Variants in PON1 observed in about 807,000 individuals in gnomAD.
PON1 encodes the protein paraoxonase 1, also known as serum paraoxonase/arylesterase 1.
Under a neutral mutation model 39.2 loss-of-function variants are expected in PON1, and 37 were observed. That is an observed-to-expected ratio of 0.94 (90% CI 0.73 to 1.24). PON1 has a LOEUF of 1.24. Ranked by LOEUF, PON1 falls within the 50% of genes most tolerant of loss-of-function variation. The probability of loss-of-function intolerance (pLI) is 0.00; values close to 1 mark genes in which losing one functional copy is unlikely to be tolerated. For synonymous variants in PON1, 148 were observed against 152.2 expected, an observed-to-expected ratio of 0.97 and a Z score of 0.21; for missense variants, 397 against 413.5, an observed-to-expected ratio of 0.96 and a Z score of 0.35.
intron 1 of PON1, among the ~76,000 whole-genome samples, chr7:95,322,113 A>G (rs568602245): frequency 6.6e-6 from 1 of 152,210 alleles, no homozygotes; most frequent in South Asian, 2.1e-4. Context: ...TTGCATTCAT[A>G]GGGGAGACTG....
chr7:95,307,256 C>T (rs367729412), intron 6 of PON1, among the ~76,000 whole-genome samples: 15 of 151,922 alleles, frequency 9.9e-5, no homozygotes, highest in Non-Finnish European at 1.5e-4. Context: ...GATGGGGTTT[C>T]GCCATGATGG....
chr7:95,306,307 T>G lies in PON1; in HGVS notation c.758A>C (p.Asn253Thr). 1 of 1,612,044 alleles carries G rather than the reference T, an allele frequency of 6.2e-7. No homozygotes were observed. Among genetic ancestry groups the G allele is most frequent in the Non-Finnish European group, 8.5e-7 (1 of 1,178,272 alleles). The change falls in exon 7 of 9, where the codon AAT becomes ACT. Residue 253 changes from asparagine (N) to threonine (T), a missense_variant. Physicochemically the swap from Asn to Thr is moderately conservative, Grantham distance 65. Transcript: ENST00000222381. ...HKIHVYEKHA[N>T]WTLTPLKSLD... Reference sequence around the variant, plus strand: ...TACCTTCAATGGAGTTAAAGTCCAATTAGCATGCTTTTCATACACATGAAT... The same window carrying G: ...TACCTTCAATGGAGTTAAAGTCCAAGTAGCATGCTTTTCATACACATGAAT...
At chr7:95,301,029 T>A (rs953835682) in intron 8 of PON1, among the ~76,000 whole-genome samples, 10 of 152,140 alleles carry the variant, frequency 6.6e-5, no homozygotes, top group Admixed American at 2.0e-4. Context: ...ACTTTTTTTT[T>A]TCCTGTTGGG....
intron 5 of PON1, among the ~76,000 whole-genome samples, chr7:95,310,117 C>A (rs1422397329): frequency 6.6e-6 from 1 of 152,110 alleles, no homozygotes; most frequent in Non-Finnish European, 1.5e-5. Flanking sequence ...CTCATGTTAC[C>A]AGGATTAGAA....
At chr7:95,319,959 T>G (rs1338058371) in intron 1 of PON1, among the ~76,000 whole-genome samples, 6 of 152,208 alleles carry the variant, frequency 3.9e-5, no homozygotes, top group Non-Finnish European at 2.9e-5. Context: ...TTGGTAATTA[T>G]TTACTAAATT....
At chr7:95,319,147 T>TTTTTC (rs34459620) in intron 1 of PON1, among the ~76,000 whole-genome samples, 1 of 151,230 alleles carries the variant, frequency 6.6e-6, no homozygotes, top group East Asian at 1.9e-4. Flanking sequence ...TTTTTTTTTT[T>TTTTTC]AGAGAACTAG....
intron 1 of PON1, chr7:95,318,654 T>C (rs1807827059): frequency 4.8e-6 from 2 of 415,806 alleles, no homozygotes; most frequent in East Asian, 5.0e-5. Flanking sequence ...CTGTGTACTT[T>C]GGCAGGAACA....
intron 1 of PON1, among the ~76,000 whole-genome samples, chr7:95,321,066 A>G (rs1225127718): frequency 6.6e-6 from 1 of 152,222 alleles, no homozygotes. Context: ...GAAGATGAAG[A>G]GAAGCCAGTA....
intron 7 of PON1, among the ~76,000 whole-genome samples, chr7:95,305,008 T>C (rs1044881843): frequency 6.6e-6 from 1 of 152,322 alleles, no homozygotes; most frequent in Middle Eastern, 3.4e-3. Flanking sequence ...CCGCAGCTTG[T>C]TTTTTATTCC....
intron 4 of PON1, among the ~76,000 whole-genome samples, chr7:95,314,750 A>G (rs540597811): frequency 6.6e-6 from 1 of 152,302 alleles, no homozygotes; most frequent in Non-Finnish European, 1.5e-5. Context: ...GAAAATTAAT[A>G]CAGAGACAAG....
chr7:95,308,007 A>G lies in PON1; in HGVS notation c.698+4T>C, dbSNP rs529138557. 14 of 1,612,078 alleles carry G rather than the reference A, an allele frequency of 8.7e-6. No homozygotes were observed. Among genetic ancestry groups the G allele is most frequent in the African/African-American group, 8.0e-5 (6 of 74,992 alleles). ...ATCCACTACATTTCAGAGAGTTCAC[A>G]TACTTGCCATCGGGTGAAATGTTGA... On this transcript the variant is annotated splice_donor_region_variant and intron_variant, in intron 6 of 8. Coordinates refer to ENST00000222381, the MANE Select transcript of PON1 (RefSeq NM_000446.7).
chr7:95,316,693 A>C (rs1187427227), intron 3 of PON1, 41 bp downstream of exon 3: 1 of 1,569,990 alleles, frequency 6.4e-7, no homozygotes. Flanking sequence ...CCAGTCCTAG[A>C]AAACGTTCTA....
chr7:95,303,235 C>T (rs1191069260), intron 7 of PON1, among the ~76,000 whole-genome samples: 1 of 152,132 alleles, frequency 6.6e-6, no homozygotes, highest in Middle Eastern at 3.2e-3. Context: ...GAGAGCTGTT[C>T]CTCACATGCC....
intron 5 of PON1, 105 bp downstream of exon 5, chr7:95,311,346 T>G: frequency 7.4e-7 from 1 of 1,360,120 alleles, no homozygotes; most frequent in Non-Finnish European, 1.0e-6. Context: ...TCATTAGAAA[T>G]GAGAGTTGAA....
chr7:95,302,053 C>T (rs1404703414), intron 8 of PON1, 152 bp downstream of exon 8: 13 of 747,310 alleles, frequency 1.7e-5, no homozygotes, highest in East Asian at 1.4e-4. Flanking sequence ...GCCAAGATTG[C>T]GCCACTGCAC....
intron 7 of PON1, among the ~76,000 whole-genome samples, chr7:95,302,955 C>T (rs1387337259): frequency 1.3e-5 from 2 of 152,128 alleles, no homozygotes; most frequent in African/African-American, 2.4e-5. Context: ...AGATTGCTGT[C>T]GAGGCTTTGT....
At chr7:95,307,923 T>G (rs1445879434) in intron 6 of PON1, 88 bp downstream of exon 6, 1 of 1,253,826 alleles carries the variant, frequency 8.0e-7, no homozygotes, top group Non-Finnish European at 1.2e-6. Flanking sequence ...CATGTTAAAA[T>G]GTATCATATT....
At chr7:95,319,060 A>G (rs997586235) in intron 1 of PON1, among the ~76,000 whole-genome samples, 2 of 152,058 alleles carry the variant, frequency 1.3e-5, no homozygotes, top group Non-Finnish European at 2.9e-5. Context: ...GCCTGAGCAG[A>G]GCGAAGCTAC....
At chr7:95,308,475 CGTGTGTGTGTGTGT>C (rs10548570) in intron 5 of PON1, among the ~76,000 whole-genome samples, 14 of 147,188 alleles carry the variant, frequency 9.5e-5, no homozygotes, top group African/African-American at 2.2e-4. Flanking sequence ...AGTGTTACGT[CGTGTGTGTGTGTGT>C]GTGTGTGTGT....
Sources: gnomAD v4.1 joint callset for allele counts (sites outside exome capture counted in the v4.1 genomes callset) on GRCh38, gnomAD v4.1.1 for gene constraint, MANE v1.5 for transcripts, NCBI Gene and HGNC (gene_info 2026-07-23, HGNC 2026-07-21) for gene names.